Variants in PPP1R1C observed in about 807,000 individuals in gnomAD.
PPP1R1C encodes protein phosphatase 1 regulatory subunit 1C.
In PPP1R1C, 15 loss-of-function variants were observed where a neutral mutation model predicts 17.4. The observed-to-expected ratio is 0.86, with a 90% confidence interval of 0.58 to 1.33. The LOEUF (loss-of-function observed/expected upper bound fraction) is 1.33, where lower values mean the gene tolerates loss of function less well. PPP1R1C is among the 40% of genes most tolerant of loss of function. The probability of loss-of-function intolerance (pLI) is 0.00; values close to 1 mark genes in which losing one functional copy is unlikely to be tolerated. For missense variants in PPP1R1C, 143 were observed against 130.0 expected (o/e 1.10, Z -0.48); for synonymous variants, 35 against 43.1 (o/e 0.81, Z 0.73).
At chr2:182,062,685 G>A (rs931011233) in intron 3 of PPP1R1C, among the ~76,000 whole-genome samples, 3 of 152,048 alleles carry the variant, frequency 2.0e-5, no homozygotes, top group African/African-American at 4.8e-5. Flanking sequence ...ATAACATCTC[G>A]ATGATACCTT....
At chr2:182,029,812 C>T (rs1406051632) in intron 2 of PPP1R1C, among the ~76,000 whole-genome samples, 635 of 55,964 alleles carry the variant, frequency 0.011, 3 homozygotes, top group Non-Finnish European at 0.016. Context: ...GAGTGTTTTC[C>T]AACTTGGTTC....
intron 4 of PPP1R1C, among the ~76,000 whole-genome samples, chr2:182,075,558 A>G (rs1688273981): frequency 6.6e-6 from 1 of 152,244 alleles, no homozygotes; most frequent in East Asian, 1.9e-4. Context: ...CTGCCTGATG[A>G]GCAGAGGCAG....
intron 1 of PPP1R1C, among the ~76,000 whole-genome samples, chr2:181,987,096 GA>G (rs1173141397): frequency 6.6e-6 from 1 of 152,124 alleles, no homozygotes; most frequent in Non-Finnish European, 1.5e-5. Context: ...TATCCATGCT[GA>G]ATGGGATGTT....
intron 4 of PPP1R1C, among the ~76,000 whole-genome samples, chr2:182,092,506 C>A (rs1287216417): frequency 6.6e-6 from 1 of 152,116 alleles, no homozygotes; most frequent in East Asian, 1.9e-4. Flanking sequence ...CCCAAATTCT[C>A]AACTCATTTC....
intron 2 of PPP1R1C, among the ~76,000 whole-genome samples, chr2:182,024,081 C>G (rs977128545): frequency 1.3e-5 from 2 of 152,118 alleles, no homozygotes; most frequent in Non-Finnish European, 2.9e-5. Flanking sequence ...TTAAACCAGA[C>G]AAATTATTTT....
At chr2:182,115,394 T>C (rs912087924) in intron 4 of PPP1R1C, among the ~76,000 whole-genome samples, 1 of 152,178 alleles carries the variant, frequency 6.6e-6, no homozygotes, top group Non-Finnish European at 1.5e-5. Flanking sequence ...TGAGAGACTA[T>C]GATGTGTCAG....
At chr2:182,060,898 A>G (rs998937693) in intron 2 of PPP1R1C, among the ~76,000 whole-genome samples, 10 of 152,170 alleles carry the variant, frequency 6.6e-5, no homozygotes, top group Admixed American at 1.3e-4. Flanking sequence ...ACAACCCTTC[A>G]TACACAGCAC....
intron 2 of PPP1R1C, among the ~76,000 whole-genome samples, chr2:182,058,656 A>C: frequency 6.6e-6 from 1 of 152,102 alleles, no homozygotes; most frequent in East Asian, 1.9e-4. Flanking sequence ...CATGAGGAAA[A>C]CTCTGTAATT....
intron 2 of PPP1R1C, among the ~76,000 whole-genome samples, chr2:182,005,877 A>T (rs1385889176): frequency 1.3e-5 from 2 of 152,208 alleles, no homozygotes; most frequent in African/African-American, 4.8e-5. Flanking sequence ...CAGTTTACTC[A>T]CATGTAAAAT....
chr2:181,980,927 G>GTTTT (rs34675053), upstream of PPP1R1C, among the ~76,000 whole-genome samples: 3 of 135,770 alleles, frequency 2.2e-5, no homozygotes, highest in Non-Finnish European at 4.8e-5. Flanking sequence ...ATAAGGAGAA[G>GTTTT]TTTTTTTTTT....
intron 4 of PPP1R1C, among the ~76,000 whole-genome samples, chr2:182,090,189 A>C (rs1011389530): frequency 2.6e-5 from 4 of 152,130 alleles, no homozygotes; most frequent in African/African-American, 9.7e-5. Context: ...GATGAATGCT[A>C]ATTCTAATTG....
chr2:181,963,655 C>T (rs1433505357), intron 1 of PPP1R1C, among the ~76,000 whole-genome samples: 1 of 151,894 alleles, frequency 6.6e-6, no homozygotes, highest in East Asian at 1.9e-4. Context: ...AAAAAACAAA[C>T]CAACAAACAA....
chr2:182,082,906 C>T (rs1688522197), intron 4 of PPP1R1C, among the ~76,000 whole-genome samples: 1 of 152,016 alleles, frequency 6.6e-6, no homozygotes, highest in African/African-American at 2.4e-5. Context: ...CTAATAATAC[C>T]CAGCGGGAGA....
intron 2 of PPP1R1C, among the ~76,000 whole-genome samples, chr2:182,042,085 TACTC>T (rs531690923): frequency 2.6e-5 from 4 of 152,220 alleles, no homozygotes; most frequent in East Asian, 3.8e-4. Flanking sequence ...TAACACATCT[TACTC>T]ACGTTGAATT....
intron 2 of PPP1R1C, among the ~76,000 whole-genome samples, chr2:182,024,682 T>G (rs573215564): frequency 6.6e-6 from 1 of 151,834 alleles, no homozygotes; most frequent in Non-Finnish European, 1.5e-5. Flanking sequence ...CGGTGAAACC[T>G]TGTTTCTACT....
intron 2 of PPP1R1C, among the ~76,000 whole-genome samples, chr2:181,978,393 G>A (rs1685135698): frequency 6.6e-6 from 1 of 152,172 alleles, no homozygotes; most frequent in South Asian, 2.1e-4. Flanking sequence ...GTTTTTCTTT[G>A]CACCATGATG....
chr2:182,061,580 A>G, intron 3 of PPP1R1C, 101 bp downstream of exon 3: 1 of 608,480 alleles, frequency 1.6e-6, no homozygotes, highest in Non-Finnish European at 2.7e-6. Flanking sequence ...CAACTGTAAT[A>G]AAACTTTAGA....
At chr2:182,062,971 C>A (rs1439003720) in intron 3 of PPP1R1C, among the ~76,000 whole-genome samples, 2 of 152,016 alleles carry the variant, frequency 1.3e-5, no homozygotes, top group African/African-American at 4.8e-5. Flanking sequence ...GAGTCTTTGG[C>A]ATTTTCCGAT....
At chr2:181,964,874 T>A (rs1034026466) in intron 1 of PPP1R1C, among the ~76,000 whole-genome samples, 5 of 152,042 alleles carry the variant, frequency 3.3e-5, no homozygotes, top group African/African-American at 1.2e-4. Flanking sequence ...CCTGGCAAAT[T>A]TTTGTATTTT....
Sources: allele counts gnomAD v4.1 joint callset (sites outside exome capture counted in the v4.1 genomes callset), GRCh38; gene constraint gnomAD v4.1.1; transcripts MANE v1.5; gene names NCBI Gene and HGNC (gene_info 2026-07-23, HGNC 2026-07-21).